Variants in CACNG7 observed in about 807,000 individuals in gnomAD.
CACNG7 encodes calcium voltage-gated channel auxiliary subunit gamma 7.
CACNG7 carries 9 observed loss-of-function variants against 26.3 expected under a neutral mutation model. The ratio of observed to expected loss-of-function variants is 0.34; its 90% confidence interval spans 0.21 to 0.60. The LOEUF is 0.60. CACNG7 is among the 20% of genes least tolerant of loss of function. The pLI is 0.81. For synonymous variants in CACNG7, 170 were observed against 157.0 expected (o/e 1.08, Z -0.62); for missense variants, 297 against 380.4 (o/e 0.78, Z 1.82).
Position 53,915,989 on chromosome 19 carries a change from T to A in CACNG7, c.424+484T>A, listed in dbSNP as rs553998646. On this transcript the variant is annotated intron_variant, in intron 4 of 5. Coordinates refer to ENST00000391767, the MANE Select transcript of CACNG7 (RefSeq NM_031896.5). Reference sequence around the variant, plus strand: ...ATATTTTGTTTTAAATTTTTTCAAATAAATGGAAAAGTCCAAAGAACTGTA... The same window carrying A: ...ATATTTTGTTTTAAATTTTTTCAAAAAAATGGAAAAGTCCAAAGAACTGTA... 2.5e-4 allele frequency among the ~76,000 whole-genome samples: 38 copies of A among 152,336 alleles called. 1 individual carries two copies. The South Asian group carries it at 7.7e-3, about 31-fold the overall frequency.
Position 53,942,091 on chromosome 19 carries a change from T to C in CACNG7, c.626T>C (p.Met209Thr). Reference sequence around the variant, plus strand: ...ACCAAGCGCTACGCGGAGGAGGAGATGTACCGTCCACACCCGGCCTTCTAC... The same window carrying C: ...ACCAAGCGCTACGCGGAGGAGGAGACGTACCGTCCACACCCGGCCTTCTAC... ...LFTKRYAEEE[M>T]YRPHPAFYRP... The change falls in exon 6 of 6, where the codon ATG becomes ACG. Residue 209 changes from methionine to threonine, a missense_variant. Transcript: ENST00000391767. The surrounding 1 kb of genome is among the most constrained non-coding windows in gnomAD (Gnocchi z 5.9). The C allele has an allele frequency of 1.2e-6, 2 of 1,613,738 alleles. No homozygotes were observed. The highest frequency in any genetic ancestry group is 1.7e-6 in the Non-Finnish European group (2 of 1,179,846).
At chr19:53,933,145 T>C (rs2069084305) in intron 4 of CACNG7, among the ~76,000 whole-genome samples, 1 of 151,862 alleles carries the variant, frequency 6.6e-6, no homozygotes, top group East Asian at 1.9e-4. Flanking sequence ...TCTCACTCTG[T>C]CACCCAGGCT....
rs1024986948 is a variant in CACNG7, at chr19:53,929,606, G to A, written c.425-11864G>A. ...CGAGTAGCTGGGATTACAGGCGCCC[G>A]CCACCATGCCTGGCTAATTTTTGTA... On this transcript the variant is annotated intron_variant, in intron 4 of 5. Coordinates refer to ENST00000391767, the MANE Select transcript of CACNG7 (RefSeq NM_031896.5). Among the ~76,000 whole-genome samples, 10 of 152,076 alleles carry A rather than the reference G, an allele frequency of 6.6e-5. No homozygotes were observed. The East Asian group carries it at 1.4e-3, about 21-fold the overall frequency.
intron 4 of CACNG7, among the ~76,000 whole-genome samples, chr19:53,927,900 A>T (rs1304146570): frequency 6.6e-6 from 1 of 151,922 alleles, no homozygotes; most frequent in Non-Finnish European, 1.5e-5. Context: ...ACGCCAGTGC[A>T]CCTGTCCATG....
At chr19:53,924,436 GGT>G (rs1330373119) in intron 4 of CACNG7, among the ~76,000 whole-genome samples, 1 of 150,792 alleles carries the variant, frequency 6.6e-6, no homozygotes, top group Non-Finnish European at 1.5e-5. Flanking sequence ...TCTGGTCATT[GGT>G]GGAGTTGTCC....
intron 4 of CACNG7, among the ~76,000 whole-genome samples, chr19:53,923,630 C>G (rs1378403695): frequency 1.7e-3 from 226 of 136,676 alleles, no homozygotes; most frequent in African/African-American, 6.1e-3. Context: ...GTGGAGTTGT[C>G]CCAGGTCTGG....
At chr19:53,926,961 C>G (rs947724431) in intron 4 of CACNG7, among the ~76,000 whole-genome samples, 1 of 152,016 alleles carries the variant, frequency 6.6e-6, no homozygotes, top group Non-Finnish European at 1.5e-5. Context: ...TTTCCTTTTT[C>G]TTTTTTTCTT....
At chr19:53,913,169 A>G in intron 2 of CACNG7, 142 bp downstream of exon 2, 1 of 729,588 alleles carries the variant, frequency 1.4e-6, no homozygotes, top group East Asian at 2.7e-5. Context: ...TTCTACGTGG[A>G]GCCCCAGTGA....
intron 4 of CACNG7, among the ~76,000 whole-genome samples, chr19:53,923,609 T>C (rs2068987459): frequency 7.6e-5 from 9 of 118,654 alleles, no homozygotes; most frequent in Admixed American, 2.6e-4. Context: ...TTGCCCCAGG[T>C]CTGGTCATTG....
Position 53,940,594 on chromosome 19 carries a change from G to A in CACNG7, c.425-876G>A, listed in dbSNP as rs567819346. Among the ~76,000 whole-genome samples the A allele has an allele frequency of 3.4e-4, 51 of 152,150 alleles. No homozygotes were observed. The highest frequency in any genetic ancestry group is 1.1e-3 in the African/African-American group (44 of 41,508). The stretch of plus-strand genomic sequence containing the variant: ...GCGTCAACACCCAGCTCCTGGGCCC[G>A]GCATTCGAGGCTCACCATGGCTATA... On this transcript the variant is annotated intron_variant, in intron 4 of 5. Coordinates refer to ENST00000391767, the MANE Select transcript of CACNG7 (RefSeq NM_031896.5). The surrounding 1 kb of genome is among the most constrained non-coding windows in gnomAD (Gnocchi z 4.1).
Position 53,909,995 on chromosome 19 carries a change from A to G in CACNG7, c.-30+478A>G, listed in dbSNP as rs1164453396. Among the ~76,000 whole-genome samples the G allele has an allele frequency of 2.0e-5, 3 of 152,014 alleles. No homozygotes were observed. Among genetic ancestry groups the G allele is most frequent in the Non-Finnish European group, 4.4e-5 (3 of 68,000 alleles). On this transcript the variant is annotated intron_variant, in intron 1 of 5. Coordinates refer to ENST00000391767, the MANE Select transcript of CACNG7 (RefSeq NM_031896.5). This position sits in a 1 kb window ranked among gnomAD's most constrained non-coding sequence, Gnocchi z 5.1. ...AAAGGGTGGGAGAAAGAGGGAGAAG[A>G]GGAGGCTTCAGGCCTGGGGGGAGGG...
chr19:53,938,282 A>C (rs1380911224), intron 4 of CACNG7, among the ~76,000 whole-genome samples: 1 of 152,134 alleles, frequency 6.6e-6, no homozygotes, highest in African/African-American at 2.4e-5. Context: ...AGGGAGGTGG[A>C]GGCTGCAGTG....
intron 3 of CACNG7, among the ~76,000 whole-genome samples, 162 bp from the exon 4 acceptor site, chr19:53,915,203 A>G (rs2068887921): frequency 6.6e-6 from 1 of 151,844 alleles, no homozygotes; most frequent in South Asian, 2.1e-4. Flanking sequence ...CCGAGGAAAT[A>G]TCAGGGGAAG....
intron 4 of CACNG7, among the ~76,000 whole-genome samples, chr19:53,923,073 C>CCTGGTCATTGGTGGAGTTGTCCCAGG (rs1599980870): frequency 8.8e-6 from 1 of 113,970 alleles, no homozygotes; most frequent in Non-Finnish European, 1.8e-5. Flanking sequence ...TGTCCCCAGG[C>CCTGGTCATTGGTGGAGTTGTCCCAGG]CTGGTCATTG....
rs902953006 is a variant in CACNG7, at chr19:53,909,677, C to T, written c.-30+160C>T. On this transcript the variant is annotated intron_variant, in intron 1 of 5. Coordinates refer to ENST00000391767, the MANE Select transcript of CACNG7 (RefSeq NM_031896.5). This position sits in a 1 kb window ranked among gnomAD's most constrained non-coding sequence, Gnocchi z 5.1. ...AGCGGCTATGGGGGATGCAGGGACA[C>T]CTGGGCCTGGCGATCCCGGAGGACG... 6.6e-6 allele frequency among the ~76,000 whole-genome samples: 1 copy of T among 152,154 alleles called. No homozygotes were observed. The highest frequency in any genetic ancestry group is 6.5e-5 in the Admixed American group (1 of 15,282).
At position 53,937,654 on chromosome 19, in the gene CACNG7, G is replaced by A. The variant is rs191101781; in HGVS notation, c.425-3816G>A. Among the ~76,000 whole-genome samples, 976 of 127,222 alleles carry A rather than the reference G, an allele frequency of 7.7e-3. 13 individuals carry two copies. The highest frequency in any genetic ancestry group is 0.028 in the African/African-American group (947 of 33,308). 83.5% of individuals were successfully genotyped at this position (127,222 alleles called of 152,430 possible). The stretch of plus-strand genomic sequence containing the variant: ...TGCCCAGGCTGGAGTGCAGTGGCAC[G>A]ATCTTGACTCATTGCAACCTCTGCT... On this transcript the variant is annotated intron_variant, in intron 4 of 5. Transcript: ENST00000391767.
At chr19:53,935,259 T>C (rs1193738597) in intron 4 of CACNG7, among the ~76,000 whole-genome samples, 3 of 152,000 alleles carry the variant, frequency 2.0e-5, no homozygotes, top group Non-Finnish European at 4.4e-5. Context: ...AAGTTTAAGG[T>C]CTATAAAATA....
intron 4 of CACNG7, among the ~76,000 whole-genome samples, chr19:53,915,886 C>T (rs527263186): frequency 6.6e-5 from 10 of 152,186 alleles, no homozygotes; most frequent in African/African-American, 2.2e-4. Flanking sequence ...TCACGCAATT[C>T]GCCTCCGGAG....
intron 4 of CACNG7, among the ~76,000 whole-genome samples, chr19:53,918,930 G>A (rs972083474): frequency 8.5e-5 from 13 of 152,180 alleles, no homozygotes; most frequent in African/African-American, 2.9e-4. Context: ...CAGTGCACCC[G>A]GCTAATTTTT....
Sources: gnomAD v4.1 joint callset for allele counts (sites outside exome capture counted in the v4.1 genomes callset) on GRCh38, gnomAD v4.1.1 for gene constraint, Gnocchi (gnomAD v3.1) non-coding constraint, MANE v1.5 for transcripts, NCBI Gene and HGNC (gene_info 2026-07-23, HGNC 2026-07-21) for gene names.